CTNNA3: variants seen among roughly 807,000 people sequenced by gnomAD.
CTNNA3 encodes catenin alpha 3.
In CTNNA3, 76 loss-of-function variants were observed where a neutral mutation model predicts 95.7. That is an observed-to-expected ratio of 0.79 (90% CI 0.66 to 0.96). CTNNA3 has a LOEUF of 0.96. Among genes scored for constraint, CTNNA3 ranks in the 40% least tolerant of loss-of-function variants. The probability of loss-of-function intolerance (pLI) is 0.00; values close to 1 mark genes in which losing one functional copy is unlikely to be tolerated. For synonymous variants in CTNNA3, 431 were observed against 374.4 expected, an observed-to-expected ratio of 1.15 and a Z score of -1.74; for missense variants, 1,191 against 1,089.8, an observed-to-expected ratio of 1.09 and a Z score of -1.31.
At chr10:67,088,100 T>G (rs1211021309) in intron 7 of CTNNA3, among the ~76,000 whole-genome samples, 2 of 151,466 alleles carry the variant, frequency 1.3e-5, no homozygotes, top group African/African-American at 4.8e-5. Context: ...AGAGAGTAAG[T>G]GAGTGAGTGA....
intron 9 of CTNNA3, among the ~76,000 whole-genome samples, chr10:66,736,041 A>G (rs557605656): frequency 6.6e-6 from 1 of 152,324 alleles, no homozygotes; most frequent in East Asian, 1.9e-4. Flanking sequence ...CATAAAGCAG[A>G]CATCAGTCCA....
chr10:67,508,879 A>ATT (rs200576825), intron 5 of CTNNA3, among the ~76,000 whole-genome samples: 22 of 147,316 alleles, frequency 1.5e-4, no homozygotes, highest in East Asian at 4.0e-4. Context: ...CTAAATAGAC[A>ATT]TTTTTTTTTT....
intron 5 of CTNNA3, among the ~76,000 whole-genome samples, chr10:67,341,329 T>G (rs1842179224): frequency 6.6e-6 from 1 of 152,176 alleles, no homozygotes; most frequent in Non-Finnish European, 1.5e-5. Context: ...TTTCCATCTC[T>G]GCGTCACCTC....
intron 1 of CTNNA3, among the ~76,000 whole-genome samples, chr10:67,727,988 T>A (rs1014601470): frequency 1.4e-5 from 2 of 138,952 alleles, no homozygotes; most frequent in African/African-American, 5.3e-5. Context: ...AATACATATA[T>A]GTATACATGT....
chr10:66,320,759 A>T (rs1485868400), intron 12 of CTNNA3, among the ~76,000 whole-genome samples: 2 of 152,118 alleles, frequency 1.3e-5, no homozygotes, highest in Non-Finnish European at 2.9e-5. Context: ...TGCTTCTTGT[A>T]ACACCATAAA....
chr10:67,584,904 A>C (rs183250515), intron 3 of CTNNA3, among the ~76,000 whole-genome samples: 6 of 152,332 alleles, frequency 3.9e-5, no homozygotes, highest in African/African-American at 1.4e-4. Context: ...CCGTTTGCTA[A>C]GACCATTGGA....
At position 65,913,971 on chromosome 10, in the gene CTNNA3, T is replaced by C. The variant is rs2076976683; in HGVS notation, c.*6359A>G. 1.3e-5 allele frequency: 2 copies of C among 152,094 alleles called. No individual in the cohort carries two copies. The highest frequency in any genetic ancestry group is 1.3e-4 in the Admixed American group (2 of 15,264). 9.4% of individuals were successfully genotyped at this position (152,094 alleles called of 1,614,324 possible). ...GGCTTTTGAACTATTGATACAACTA[T>C]TCAAAGGGGGCTTTAAATGTATAAG... On this transcript the variant is annotated 3_prime_UTR_variant, in exon 18 of 18. Coordinates refer to ENST00000433211, the MANE Select transcript of CTNNA3 (RefSeq NM_013266.4).
At chr10:66,762,414 G>T (rs1212294094) in intron 9 of CTNNA3, among the ~76,000 whole-genome samples, 1 of 151,960 alleles carries the variant, frequency 6.6e-6, no homozygotes, top group Non-Finnish European at 1.5e-5. Flanking sequence ...TGCATAATAG[G>T]TACTCAGCTC....
At chr10:67,751,138 T>C (rs569065108) in intron 1 of CTNNA3, 3 of 1,327,678 alleles carry the variant, frequency 2.3e-6, no homozygotes, top group African/African-American at 2.9e-5. Flanking sequence ...GATGAGGAGA[T>C]GGCAACCACA....
At chr10:66,039,321 T>C (rs923994709) in intron 15 of CTNNA3, among the ~76,000 whole-genome samples, 1 of 152,158 alleles carries the variant, frequency 6.6e-6, no homozygotes, top group African/African-American at 2.4e-5. Context: ...GCCGAAGCAA[T>C]TTATAGATTC....
chr10:66,352,073 C>G (rs2092570977), intron 12 of CTNNA3, among the ~76,000 whole-genome samples: 1 of 152,014 alleles, frequency 6.6e-6, no homozygotes, highest in African/African-American at 2.4e-5. Flanking sequence ...AGATTTCATT[C>G]TGACTTAGTT....
At chr10:66,011,693 C>G (rs1423485747) in intron 15 of CTNNA3, among the ~76,000 whole-genome samples, 1 of 152,106 alleles carries the variant, frequency 6.6e-6, no homozygotes, top group Non-Finnish European at 1.5e-5. Context: ...TAATTCTTGT[C>G]CCATATTTAT....
intron 5 of CTNNA3, among the ~76,000 whole-genome samples, chr10:67,257,251 A>G (rs986939935): frequency 6.6e-6 from 1 of 152,158 alleles, no homozygotes; most frequent in African/African-American, 2.4e-5. Context: ...AAGAACAAGC[A>G]GGCTCTTGGG....
chr10:67,532,642 AT>A (rs1382716925), intron 4 of CTNNA3, among the ~76,000 whole-genome samples: 1 of 152,124 alleles, frequency 6.6e-6, no homozygotes, highest in Non-Finnish European at 1.5e-5. Context: ...ATTTCCCTTC[AT>A]TTTTAGGAAT....
chr10:67,736,691 G>A (rs1284234324), intron 1 of CTNNA3, among the ~76,000 whole-genome samples: 3 of 151,838 alleles, frequency 2.0e-5, no homozygotes, highest in Non-Finnish European at 4.4e-5. Context: ...TCCTGACCTC[G>A]TGTTCCACCC....
intron 11 of CTNNA3, among the ~76,000 whole-genome samples, chr10:66,450,393 G>A (rs531157596): frequency 6.6e-6 from 1 of 152,090 alleles, no homozygotes; most frequent in Non-Finnish European, 1.5e-5. Flanking sequence ...TTGTTGTTCT[G>A]TTTCCCTTGT....
intron 7 of CTNNA3, among the ~76,000 whole-genome samples, chr10:66,826,477 T>C (rs1344113184): frequency 1.3e-5 from 2 of 152,162 alleles, no homozygotes; most frequent in Non-Finnish European, 2.9e-5. Flanking sequence ...GGGTTTGCCA[T>C]GTTGCCCAGC....
intron 2 of CTNNA3, among the ~76,000 whole-genome samples, chr10:67,639,110 A>G (rs1839430136): frequency 2.6e-5 from 4 of 152,232 alleles, no homozygotes; most frequent in Admixed American, 2.6e-4. Flanking sequence ...ATAGACTGCT[A>G]GCAAGACTAA....
intron 13 of CTNNA3, among the ~76,000 whole-genome samples, chr10:66,268,763 T>A (rs572328173): frequency 6.6e-6 from 1 of 152,296 alleles, no homozygotes; most frequent in East Asian, 1.9e-4. Context: ...TTTTGTCCAA[T>A]GAGATGTAGA....
Sources: allele counts gnomAD v4.1 joint callset (sites outside exome capture counted in the v4.1 genomes callset), GRCh38; gene constraint gnomAD v4.1.1; transcripts MANE v1.5; gene names NCBI Gene and HGNC (gene_info 2026-07-23, HGNC 2026-07-21).